TGFA: variants seen among roughly 807,000 people sequenced by gnomAD.
TGFA encodes transforming growth factor alpha, also known as protransforming growth factor alpha.
TGFA carries 12 observed loss-of-function variants against 21.7 expected under a neutral mutation model. The observed-to-expected ratio is 0.55, with a 90% CI of 0.35 to 0.90. The LOEUF (loss-of-function observed/expected upper bound fraction) is 0.90. Ranked by LOEUF, TGFA falls within the 40% of genes least tolerant of loss-of-function variation. The pLI, the probability that TGFA is intolerant of heterozygous loss-of-function variation, is 0.01. For synonymous variants in TGFA, 79 were observed against 88.1 expected, an observed-to-expected ratio of 0.90 and a Z score of 0.58; for missense variants, 178 against 210.8, an observed-to-expected ratio of 0.84 and a Z score of 0.96.
chr2:70,523,466 C>CA (rs1559134631), intron 1 of TGFA, among the ~76,000 whole-genome samples: 1 of 152,188 alleles, frequency 6.6e-6, no homozygotes, highest in Non-Finnish European at 1.5e-5. Flanking sequence ...TTCTTCCACC[C>CA]AAATGTTTCT....
Position 70,465,656 on chromosome 2 carries a change from T to G in TGFA, c.175A>C (p.Thr59Pro), listed in dbSNP as rs781919023. The change falls in exon 3 of 6, where the codon ACC (threonine) becomes CCC (proline). Residue 59 changes from threonine (T) to proline (P), a missense_variant. Physicochemically the swap from Thr to Pro is conservative, Grantham distance 38. Transcript: ENST00000295400. The stretch of plus-strand genomic sequence containing the variant: ...TCCTCCTGCACCAAAAACCTGCAGG[T>G]TCCATGGAAGCAGAACTGAGTGTGG... ...DSHTQFCFHGTCRFLVQEDKP... is the reference protein window; with the variant it reads ...DSHTQFCFHGPCRFLVQEDKP... 6.2e-7 allele frequency: 1 copy of G among 1,614,004 alleles called. No individual in the cohort carries two copies.
intron 2 of TGFA, among the ~76,000 whole-genome samples, chr2:70,491,163 A>C (rs1671421403): frequency 6.6e-6 from 1 of 152,172 alleles, no homozygotes. Context: ...GAAACCCAGC[A>C]AGTTTGCTGA....
chr2:70,497,873 A>G (rs1196500417), intron 2 of TGFA, among the ~76,000 whole-genome samples: 2 of 152,256 alleles, frequency 1.3e-5, no homozygotes, highest in Non-Finnish European at 2.9e-5. Flanking sequence ...ATTTTCACAA[A>G]AGGTGTTACA....
chr2:70,543,153 A>G (rs1434325044), intron 1 of TGFA, among the ~76,000 whole-genome samples: 5 of 151,594 alleles, frequency 3.3e-5, no homozygotes, highest in Non-Finnish European at 5.9e-5. Flanking sequence ...TTTTCCCTCT[A>G]AATATCATCA....
At chr2:70,489,255 G>A (rs899502581) in intron 2 of TGFA, among the ~76,000 whole-genome samples, 3 of 152,242 alleles carry the variant, frequency 2.0e-5, no homozygotes, top group East Asian at 1.9e-4. Flanking sequence ...AAAGGTGGGC[G>A]TTGGAATGCT....
At chr2:70,512,262 A>AAAGAGT (rs1672126690) in intron 2 of TGFA, among the ~76,000 whole-genome samples, 2 of 152,186 alleles carry the variant, frequency 1.3e-5, no homozygotes, top group African/African-American at 4.8e-5. Flanking sequence ...ATAACTCTGG[A>AAAGAGT]AAGAGTAATT....
chr2:70,547,649 C>T (rs1673348282), intron 1 of TGFA, among the ~76,000 whole-genome samples: 1 of 148,602 alleles, frequency 6.7e-6, no homozygotes, highest in South Asian at 2.1e-4. Context: ...TTCATATATG[C>T]TTTTAAAGAA....
chr2:70,523,156 C>T (rs1274284486), intron 1 of TGFA, among the ~76,000 whole-genome samples: 8 of 152,112 alleles, frequency 5.3e-5, no homozygotes, highest in African/African-American at 1.7e-4. Context: ...TTTGGTCACC[C>T]GATGAGATGA....
chr2:70,493,218 C>A (rs1359961156), intron 2 of TGFA, among the ~76,000 whole-genome samples: 1 of 152,190 alleles, frequency 6.6e-6, no homozygotes, highest in African/African-American at 2.4e-5. Context: ...ATTTCAGTTT[C>A]CTTCAGCAGC....
intron 2 of TGFA, among the ~76,000 whole-genome samples, chr2:70,492,633 A>G (rs1481931183): frequency 2.0e-5 from 3 of 152,218 alleles, no homozygotes; most frequent in Non-Finnish European, 4.4e-5. Flanking sequence ...TCACTGTATG[A>G]GGCTTTGTTC....
At chr2:70,546,555 C>A (rs1055745739) in intron 1 of TGFA, among the ~76,000 whole-genome samples, 32 of 152,116 alleles carry the variant, frequency 2.1e-4, no homozygotes, top group African/African-American at 7.7e-4. Context: ...CTCACTGCAA[C>A]CTCGACCTCC....
At chr2:70,451,127 G>A (rs1007039492) in intron 5 of TGFA, among the ~76,000 whole-genome samples, 1 of 151,502 alleles carries the variant, frequency 6.6e-6, no homozygotes, top group African/African-American at 2.4e-5. Context: ...GGCAGATGGG[G>A]GGGAGCGGGG....
chr2:70,457,765 C>T (rs1330488569), intron 3 of TGFA, among the ~76,000 whole-genome samples: 4 of 152,122 alleles, frequency 2.6e-5, no homozygotes, highest in African/African-American at 9.7e-5. Context: ...TGGTCTCGAG[C>T]TCTTGACCTC....
chr2:70,551,626 G>T lies in TGFA; in HGVS notation c.40+2102C>A, dbSNP rs544310090. Among the ~76,000 whole-genome samples, 12 of 152,208 alleles carry T rather than the reference G, an allele frequency of 7.9e-5. No homozygotes were observed. In the South Asian group the frequency reaches 2.3e-3, roughly 29 times the overall value. ...GTGGGAGGCAGCAGTTCTAGTAAAC[G>T]CACAGAACTCACAGCTGTGATTTTT... On this transcript the variant is annotated intron_variant, in intron 1 of 5. Coordinates refer to ENST00000295400, the MANE Select transcript of TGFA (RefSeq NM_003236.4).
chr2:70,541,275 A>G (rs981499875), intron 1 of TGFA, among the ~76,000 whole-genome samples: 1 of 152,268 alleles, frequency 6.6e-6, no homozygotes, highest in Non-Finnish European at 1.5e-5. Context: ...GCCATTAAAA[A>G]TTAATAGTTT....
chr2:70,528,679 C>G (rs972117683), intron 1 of TGFA, among the ~76,000 whole-genome samples: 1 of 152,186 alleles, frequency 6.6e-6, no homozygotes, highest in African/African-American at 2.4e-5. Context: ...GATGATGTAT[C>G]TTAGGCGCTC....
chr2:70,477,291 G>A (rs1670967461), intron 2 of TGFA, among the ~76,000 whole-genome samples: 1 of 152,166 alleles, frequency 6.6e-6, no homozygotes, highest in Non-Finnish European at 1.5e-5. Context: ...AAGATGTTTG[G>A]TAAGAGATGA....
chr2:70,543,198 G>A (rs1179159030), intron 1 of TGFA, among the ~76,000 whole-genome samples: 1 of 151,836 alleles, frequency 6.6e-6, no homozygotes, highest in Non-Finnish European at 1.5e-5. Context: ...CTTATCTTGG[G>A]GGCCTTGATA....
intron 1 of TGFA, among the ~76,000 whole-genome samples, chr2:70,547,952 C>A (rs6708912): frequency 0.096 from 14,528 of 150,946 alleles, 822 homozygotes; most frequent in Middle Eastern, 0.17. Flanking sequence ...GTTATCTTTC[C>A]ATGGTGGAAT....
Sources: gnomAD v4.1 joint callset for allele counts (sites outside exome capture counted in the v4.1 genomes callset) on GRCh38, gnomAD v4.1.1 for gene constraint, MANE v1.5 for transcripts, NCBI Gene and HGNC (gene_info 2026-07-23, HGNC 2026-07-21) for gene names.